LIPH: variants seen among roughly 807,000 people sequenced by gnomAD.
LIPH encodes lipase member H.
Under a neutral mutation model 47.6 loss-of-function variants are expected in LIPH, and 32 were observed. The ratio of observed to expected loss-of-function variants is 0.67; its 90% CI spans 0.51 to 0.90. The LOEUF (loss-of-function observed/expected upper bound fraction) is 0.90, where lower values mean the gene tolerates loss of function less well. Among genes scored for constraint, LIPH ranks in the 40% least tolerant of loss-of-function variants. LIPH has a pLI of 0.00. For synonymous variants in LIPH, 190 were observed against 195.6 expected (o/e 0.97, Z 0.24); for missense variants, 497 against 541.4 (o/e 0.92, Z 0.81).
chr3:185,531,766 C>T lies in LIPH; in HGVS notation c.526+1805G>A, dbSNP rs79056270. On this transcript the variant is annotated intron_variant, in intron 3 of 9. Coordinates refer to ENST00000296252, the MANE Select transcript of LIPH (RefSeq NM_139248.3). ...ATGGCTCCTGAATCTAAATCCAGAA[C>T]ATTCTGAGATTATTGTGGAATACAA... is the stretch of plus-strand genomic sequence containing the variant. Among the ~76,000 whole-genome samples, 172 of 152,214 alleles carry T rather than the reference C, an allele frequency of 1.1e-3. 1 individual carries two copies. The highest frequency in any genetic ancestry group is 7.5e-3 in the Admixed American group (114 of 15,282).
intron 1 of LIPH, among the ~76,000 whole-genome samples, chr3:185,548,413 G>GAA (rs566649441): frequency 8.0e-6 from 1 of 125,554 alleles, no homozygotes; most frequent in Non-Finnish European, 1.7e-5. Context: ...CACATAAAAG[G>GAA]AAAAAAAAAA....
At chr3:185,543,603 T>C (rs1720779429) in intron 1 of LIPH, among the ~76,000 whole-genome samples, 1 of 152,056 alleles carries the variant, frequency 6.6e-6, no homozygotes, top group Non-Finnish European at 1.5e-5. Flanking sequence ...ATATAAAAAT[T>C]ATCTTCTGGA....
chr3:185,545,340 T>A (rs1187302214), intron 1 of LIPH, among the ~76,000 whole-genome samples: 1 of 152,210 alleles, frequency 6.6e-6, no homozygotes. Context: ...AAAAGAAACA[T>A]ATCCAAGTAG....
At chr3:185,513,071 G>A (rs1577663564) in intron 8 of LIPH, among the ~76,000 whole-genome samples, 1 of 152,038 alleles carries the variant, frequency 6.6e-6, no homozygotes, top group Non-Finnish European at 1.5e-5. Context: ...AGCCGGGCAC[G>A]GTGGCTCATG....
intron 7 of LIPH, among the ~76,000 whole-genome samples, chr3:185,515,067 T>C (rs1426281515): frequency 6.6e-6 from 1 of 152,162 alleles, no homozygotes; most frequent in East Asian, 1.9e-4. Context: ...ATGTCATTCC[T>C]CCAGAAGGCT....
intron 3 of LIPH, among the ~76,000 whole-genome samples, chr3:185,530,669 C>G (rs1159905058): frequency 2.6e-5 from 4 of 151,092 alleles, no homozygotes; most frequent in Non-Finnish European, 4.4e-5. Context: ...GACTGTGTCT[C>G]AAAAAAACAA....
intron 4 of LIPH, among the ~76,000 whole-genome samples, chr3:185,526,443 C>T (rs754944453): frequency 1.3e-5 from 2 of 151,450 alleles, no homozygotes; most frequent in African/African-American, 4.9e-5. Flanking sequence ...ATTGCTTGAA[C>T]CCAGGAGGCA....
chr3:185,546,584 A>C (rs1015686056), intron 1 of LIPH, among the ~76,000 whole-genome samples: 3 of 152,116 alleles, frequency 2.0e-5, no homozygotes, highest in Non-Finnish European at 4.4e-5. Context: ...GGATCACTTG[A>C]GCCCAAGAGT....
intron 8 of LIPH, 37 bp downstream of exon 8, chr3:185,514,373 G>T: frequency 1.1e-6 from 1 of 873,036 alleles, no homozygotes. Context: ...AGCAAAAAGG[G>T]AAATAGCGCA....
At position 185,533,655 on chromosome 3, in the gene LIPH, T is replaced by C. The variant is rs1374078147; in HGVS notation, c.442A>G (p.Ile148Val). Reference protein sequence around the residue: ...MLAEGASLDDIYMIGVSLGAH... With the variant: ...MLAEGASLDDVYMIGVSLGAH... ...CCTAGACTTACTCCGATCATGTAAATGTCATCAAGAGAAGCTCCTTCTGCC... is the reference window on the plus strand; with the variant it reads ...CCTAGACTTACTCCGATCATGTAAACGTCATCAAGAGAAGCTCCTTCTGCC... Residue 148 changes from isoleucine (I) to valine (V), a missense_variant, in exon 3 of 10, where the codon ATT becomes GTT. Physicochemically the swap from Ile to Val is conservative, Grantham distance 29. Coordinates refer to ENST00000296252, the MANE Select transcript of LIPH (RefSeq NM_139248.3). 2.5e-6 allele frequency: 4 copies of C among 1,613,602 alleles called. No homozygotes were observed. The highest frequency in any genetic ancestry group is 2.2e-5 in the South Asian group (2 of 91,070).
chr3:185,514,596 C>T, intron 7 of LIPH, 75 bp from the exon 8 acceptor site: 1 of 767,304 alleles, frequency 1.3e-6, no homozygotes, highest in Non-Finnish European at 2.4e-6. Flanking sequence ...TTCCTAAAAA[C>T]TGAACCTCCC....
chr3:185,526,199 A>G (rs1720064443), intron 4 of LIPH, among the ~76,000 whole-genome samples: 1 of 152,012 alleles, frequency 6.6e-6, no homozygotes, highest in African/African-American at 2.4e-5. Flanking sequence ...CCCCATCTCT[A>G]CAAAAAGAAG....
chr3:185,523,704 G>C (rs1719976176), intron 5 of LIPH, among the ~76,000 whole-genome samples: 1 of 151,758 alleles, frequency 6.6e-6, no homozygotes, highest in African/African-American at 2.4e-5. Flanking sequence ...ACTGCACCTG[G>C]CCAAAATATG....
In LIPH at chr3:185,534,860, A is replaced by G. The variant is rs267607219; in HGVS notation, c.322T>C (p.Trp108Arg). The change falls in exon 2 of 10, where the codon TGG (tryptophan) becomes CGG (arginine). Residue 108 changes from tryptophan to arginine, a missense_variant. Trp to Arg is a moderately radical substitution (Grantham distance 101, BLOSUM62 -3). Transcript: ENST00000296252. ...ATTAAAGTTGTAGCTCCTCGATTCC[A>G]ATCAACAACAACTACGTTCATGTCT... Reference protein sequence around the residue: ...VEDMNVVVVDWNRGATTLIYT... With the variant: ...VEDMNVVVVDRNRGATTLIYT... The G allele has an allele frequency of 1.2e-6, 2 of 1,614,186 alleles. No homozygotes were observed. Among genetic ancestry groups the G allele is most frequent in the South Asian group, 2.2e-5 (2 of 91,084 alleles).
intron 1 of LIPH, among the ~76,000 whole-genome samples, chr3:185,536,948 A>C (rs1720520763): frequency 1.3e-5 from 2 of 152,132 alleles, no homozygotes. Flanking sequence ...GCAGTGGTGC[A>C]ATCTCGGCTC....
chr3:185,538,735 A>ACACATATATATGCCCCTTT (rs1720582701), intron 1 of LIPH, among the ~76,000 whole-genome samples: 1 of 82,340 alleles, frequency 1.2e-5, no homozygotes, highest in Non-Finnish European at 3.4e-5. Flanking sequence ...GTACATATAT[A>ACACATATATATGCCCCTTT]TACATATATG....
At position 185,527,603 on chromosome 3, in the gene LIPH, T is replaced by C; in HGVS notation, c.527-18A>G. 2.0e-6 allele frequency: 3 copies of C among 1,526,298 alleles called. No homozygotes were observed. The highest frequency in any genetic ancestry group is 2.7e-6 in the Non-Finnish European group (3 of 1,103,316). 94.5% of individuals were successfully genotyped at this position (1,526,298 alleles called of 1,614,324 possible). A position where few individuals can be genotyped will look rare whatever the true frequency, so the allele number is the denominator to read the frequency against. On this transcript the variant is annotated intron_variant, in intron 3 of 9. Transcript: ENST00000296252. ...GTCGAGGCCTGGAAGGAAAACAGAGTCACTTGGCAGCCCCACACCATGAGT... is the reference window on the plus strand; with the variant it reads ...GTCGAGGCCTGGAAGGAAAACAGAGCCACTTGGCAGCCCCACACCATGAGT...
rs1719392605 is a variant in LIPH at position 185,506,849 on chromosome 3, A to AAAAC, written c.*1940_*1941insGTTT. On this transcript the variant is annotated 3_prime_UTR_variant, in exon 10 of 10. Transcript: ENST00000296252. The stretch of plus-strand genomic sequence containing the variant: ...TCCATCTAAAAAAAAAAAAAAAAAA[A>AAAAC]AAAAAAAAAAACCAGGGCCTACAGC... 4 of 150,328 alleles carry AAAAC rather than the reference A, an allele frequency of 2.7e-5. No homozygotes were observed. The highest frequency in any genetic ancestry group is 9.8e-5 in the African/African-American group (4 of 40,740). 9.3% of individuals were successfully genotyped at this position (150,328 alleles called of 1,614,324 possible). A position where few individuals can be genotyped will look rare whatever the true frequency, so the allele number is the denominator to read the frequency against.
At chr3:185,528,323 G>GAAGAAAGAAAGAAAGAGA (rs1720184570) in intron 3 of LIPH, among the ~76,000 whole-genome samples, 1 of 125,514 alleles carries the variant, frequency 8.0e-6, no homozygotes, top group Admixed American at 8.9e-5. Flanking sequence ...AAGAAAGAAA[G>GAAGAAAGAAAGAAAGAGA]AAGAAAGAAA....
Sources: allele counts gnomAD v4.1 joint callset (sites outside exome capture counted in the v4.1 genomes callset), GRCh38; gene constraint gnomAD v4.1.1; transcripts MANE v1.5; gene names NCBI Gene and HGNC (gene_info 2026-07-23, HGNC 2026-07-21).